The following CCDC172 variants were observed in gnomAD, a reference collection of about 807,000 sequenced individuals.
CCDC172 encodes the protein coiled-coil domain containing 172.
A neutral mutation model predicts 38.0 loss-of-function variants in CCDC172; 30 were observed. The observed-to-expected ratio is 0.79, with a 90% CI of 0.59 to 1.07. The LOEUF (loss-of-function observed/expected upper bound fraction) is 1.07, where lower values mean the gene tolerates loss of function less well. Among genes scored for constraint, CCDC172 ranks in the 50% least tolerant of loss-of-function variants. CCDC172 has a pLI of 0.00. For missense variants in CCDC172, 297 were observed against 290.1 expected, an observed-to-expected ratio of 1.02 and a Z score of -0.17; for synonymous variants, 78 against 88.3, an observed-to-expected ratio of 0.88 and a Z score of 0.66.
At chr10:116,376,281 G>A (rs1177190614) in intron 7 of CCDC172, among the ~76,000 whole-genome samples, 1 of 142,434 alleles carries the variant, frequency 7.0e-6, no homozygotes, top group East Asian at 2.1e-4. Context: ...TGAGGGTCAG[G>A]GCTCAACAAA....
chr10:116,365,156 T>C (rs1329810093), intron 7 of CCDC172, among the ~76,000 whole-genome samples: 8 of 152,188 alleles, frequency 5.3e-5, no homozygotes, highest in Non-Finnish European at 8.8e-5. Flanking sequence ...TGCAAATGTA[T>C]TAATATTCAT....
intron 4 of CCDC172, 105 bp downstream of exon 4, chr10:116,340,955 G>T (rs1361528513): frequency 2.7e-6 from 2 of 733,352 alleles, no homozygotes; most frequent in African/African-American, 3.6e-5. Context: ...CATATTAGCA[G>T]GTAGTACTGC....
At chr10:116,343,759 T>C (rs1178165124) in intron 5 of CCDC172, among the ~76,000 whole-genome samples, 2 of 152,140 alleles carry the variant, frequency 1.3e-5, no homozygotes, top group African/African-American at 2.4e-5. Flanking sequence ...TTCTTTGAGA[T>C]AAGCCCTTTT....
chr10:116,344,632 CTG>C (rs1353530676), intron 5 of CCDC172, among the ~76,000 whole-genome samples: 1 of 152,080 alleles, frequency 6.6e-6, no homozygotes, highest in Non-Finnish European at 1.5e-5. Flanking sequence ...TTTATAAACA[CTG>C]TGTATTTAGG....
intron 7 of CCDC172, among the ~76,000 whole-genome samples, chr10:116,361,808 A>G (rs1042623972): frequency 3.3e-5 from 5 of 152,166 alleles, no homozygotes; most frequent in Admixed American, 1.3e-4. Context: ...GAAGGCATAA[A>G]CTCAATATGG....
chr10:116,358,467 T>G (rs186070486), intron 7 of CCDC172, among the ~76,000 whole-genome samples: 1 of 152,130 alleles, frequency 6.6e-6, no homozygotes, highest in Non-Finnish European at 1.5e-5. Context: ...AGACCTCAAG[T>G]TTTAAAATTT....
intron 5 of CCDC172, among the ~76,000 whole-genome samples, chr10:116,354,223 A>G (rs575046245): frequency 1.3e-5 from 2 of 152,336 alleles, no homozygotes; most frequent in South Asian, 2.1e-4. Flanking sequence ...AGTATAGCAC[A>G]TAAAATTATG....
chr10:116,326,824 A>C (rs10787648), intron 3 of CCDC172, among the ~76,000 whole-genome samples: 50,442 of 152,044 alleles, frequency 0.33, 9,705 homozygotes, highest in Non-Finnish European at 0.44. Flanking sequence ...GATAGATAAT[A>C]GGGAGAGTCT....
chr10:116,332,598 T>G (rs1305740114), intron 3 of CCDC172, among the ~76,000 whole-genome samples: 2 of 152,156 alleles, frequency 1.3e-5, no homozygotes, highest in Admixed American at 1.3e-4. Context: ...ATTCTGAAAT[T>G]TATTAATGCA....
At chr10:116,376,179 A>G (rs996098207) in intron 7 of CCDC172, among the ~76,000 whole-genome samples, 1 of 152,220 alleles carries the variant, frequency 6.6e-6, no homozygotes, top group Non-Finnish European at 1.5e-5. Context: ...CATATACACC[A>G]TGGAATACTA....
At chr10:116,368,032 A>AT (rs1028317321) in intron 7 of CCDC172, among the ~76,000 whole-genome samples, 19 of 151,744 alleles carry the variant, frequency 1.3e-4, no homozygotes, top group Middle Eastern at 3.2e-3. Flanking sequence ...ATGCAAGTTA[A>AT]TTTTTTTTGG....
intron 5 of CCDC172, among the ~76,000 whole-genome samples, chr10:116,349,045 G>A (rs921895673): frequency 3.3e-5 from 5 of 152,104 alleles, no homozygotes; most frequent in African/African-American, 1.2e-4. Flanking sequence ...ATCAGCAGCA[G>A]TTATTAGATT....
chr10:116,342,010 T>G lies in CCDC172; in HGVS notation c.283-26T>G, dbSNP rs748421213. ...AATATTATTGCAACTAACACCTATATTTGATCTTTTATTTATGTTTTTCAG... is the reference window on the plus strand; with the variant it reads ...AATATTATTGCAACTAACACCTATAGTTGATCTTTTATTTATGTTTTTCAG... On this transcript the variant is annotated intron_variant, in intron 4 of 8. Coordinates refer to ENST00000333254, the MANE Select transcript of CCDC172 (RefSeq NM_198515.3). 1.6e-5 allele frequency: 22 copies of G among 1,418,922 alleles called. No individual in the cohort carries two copies. In the East Asian group the frequency reaches 5.3e-4, roughly 34 times the overall value. The allele number at this position is 1,418,922 out of a possible 1,614,324, so 87.9% of individuals were successfully genotyped here.
At chr10:116,327,783 A>G (rs1392902815) in intron 3 of CCDC172, among the ~76,000 whole-genome samples, 1 of 152,120 alleles carries the variant, frequency 6.6e-6, no homozygotes, top group Non-Finnish European at 1.5e-5. Context: ...GATGGTATGT[A>G]TATGTGCATA....
intron 3 of CCDC172, among the ~76,000 whole-genome samples, chr10:116,332,409 ATT>A (rs2134906860): frequency 6.6e-6 from 1 of 151,924 alleles, no homozygotes; most frequent in South Asian, 2.1e-4. Flanking sequence ...TTATTTTTTT[ATT>A]TGTTTTTTGA....
chr10:116,347,541 G>A (rs373130453), intron 5 of CCDC172, among the ~76,000 whole-genome samples: 2 of 152,136 alleles, frequency 1.3e-5, no homozygotes, highest in South Asian at 2.1e-4. Flanking sequence ...TTAAAAAGGC[G>A]ATGTAGAGGG....
intron 7 of CCDC172, among the ~76,000 whole-genome samples, chr10:116,370,973 T>C (rs2134967842): frequency 6.6e-6 from 1 of 151,990 alleles, no homozygotes; most frequent in South Asian, 2.1e-4. Context: ...TTCAGTTATA[T>C]TGTCATATTA....
In CCDC172 at chr10:116,332,240, G is replaced by A. The variant is rs115885384; in HGVS notation, c.165+6852G>A. ...TCCCTCCTCCTTTTGGCTTAGCTATGTAAATGATAAATATTTTAAATGTAG... is the reference window on the plus strand; with the variant it reads ...TCCCTCCTCCTTTTGGCTTAGCTATATAAATGATAAATATTTTAAATGTAG... On this transcript the variant is annotated intron_variant, in intron 3 of 8. Coordinates refer to ENST00000333254, the MANE Select transcript of CCDC172 (RefSeq NM_198515.3). 7.5e-3 allele frequency among the ~76,000 whole-genome samples: 1,137 copies of A among 152,190 alleles called. 13 individuals are homozygous for A. The highest frequency in any genetic ancestry group is 0.026 in the African/African-American group (1,064 of 41,550).
chr10:116,342,142 A>C lies in CCDC172; in HGVS notation c.389A>C (p.Lys130Thr). 2 of 1,548,344 alleles carry C rather than the reference A, an allele frequency of 1.3e-6. No individual in the cohort carries two copies. Among genetic ancestry groups the C allele is most frequent in the Middle Eastern group, 1.7e-4 (1 of 5,854 alleles). Residue 130 changes from lysine to threonine, a missense_variant, in exon 5 of 9, where the codon AAA becomes ACA. Transcript: ENST00000333254. ...ACAAAGAAAAGAGAGCTTTTGATGA[A>C]AGAAAATGTCAAGATTGAAATATCT... ...EITKKRELLM[K>T]ENVKIEISDL...
Sources: allele counts gnomAD v4.1 joint callset (sites outside exome capture counted in the v4.1 genomes callset), GRCh38; gene constraint gnomAD v4.1.1; transcripts MANE v1.5; gene names NCBI Gene and HGNC (gene_info 2026-07-23, HGNC 2026-07-21).